The following CRACDL variants were observed in gnomAD, a reference collection of about 807,000 sequenced individuals.
The protein encoded by CRACDL is CRACD-like protein.
CRACDL carries 26 observed loss-of-function variants against 70.6 expected under a neutral mutation model. That is an observed-to-expected ratio of 0.37 (90% CI 0.27 to 0.51). CRACDL has a LOEUF of 0.51. Among genes scored for constraint, CRACDL ranks in the 20% least tolerant of loss-of-function variants. The pLI is 0.94. For missense variants in CRACDL, 1,283 were observed against 1,376.9 expected, an observed-to-expected ratio of 0.93 and a Z score of 1.08; for synonymous variants, 618 against 615.2, an observed-to-expected ratio of 1.00 and a Z score of -0.07.
At chr2:98,830,814 A>G (rs1025396660) in intron 5 of CRACDL, among the ~76,000 whole-genome samples, 35 of 152,150 alleles carry the variant, frequency 2.3e-4, no homozygotes, top group Non-Finnish European at 2.4e-4. Context: ...TTGCTCTTCA[A>G]TGGATGGGTT....
intron 1 of CRACDL, among the ~76,000 whole-genome samples, chr2:98,848,389 G>A (rs962940964): frequency 6.6e-6 from 1 of 152,110 alleles, no homozygotes; most frequent in Non-Finnish European, 1.5e-5. Context: ...CAATGGAAGA[G>A]GCAATGGAGA....
chr2:98,799,315 C>T (rs1349770263), intron 7 of CRACDL, among the ~76,000 whole-genome samples: 1 of 152,150 alleles, frequency 6.6e-6, no homozygotes, highest in Non-Finnish European at 1.5e-5. Flanking sequence ...ATTCTTTTCC[C>T]TTAGTGCCCT....
At chr2:98,926,848 C>T (rs943378055) in intron 1 of CRACDL, among the ~76,000 whole-genome samples, 2 of 152,240 alleles carry the variant, frequency 1.3e-5, no homozygotes, top group Admixed American at 6.5e-5. Flanking sequence ...GGTATTGACT[C>T]AACACGGCCA....
chr2:98,841,275 T>C (rs997579503), intron 2 of CRACDL, among the ~76,000 whole-genome samples: 2 of 152,170 alleles, frequency 1.3e-5, no homozygotes, highest in Non-Finnish European at 2.9e-5. Context: ...TTAATTTAAC[T>C]AGTCCACTCA....
chr2:98,913,277 G>A (rs1258739916), intron 1 of CRACDL, among the ~76,000 whole-genome samples: 1 of 152,186 alleles, frequency 6.6e-6, no homozygotes. Flanking sequence ...ACTTGTAAAG[G>A]AAGTGTGTGG....
At chr2:98,905,719 G>A (rs1043247771) in intron 1 of CRACDL, among the ~76,000 whole-genome samples, 7 of 151,260 alleles carry the variant, frequency 4.6e-5, no homozygotes, top group South Asian at 2.1e-4. Context: ...CTGGATTCAA[G>A]TGATCCTCCT....
chr2:98,891,075 A>C (rs1160752031), intron 1 of CRACDL, among the ~76,000 whole-genome samples: 1 of 150,638 alleles, frequency 6.6e-6, no homozygotes, highest in Non-Finnish European at 1.5e-5. Flanking sequence ...ATAAATAAAT[A>C]AATAAAAGAT....
At chr2:98,803,168 T>C (rs58560917) in intron 7 of CRACDL, among the ~76,000 whole-genome samples, 3,127 of 151,928 alleles carry the variant, frequency 0.021, 64 homozygotes, top group East Asian at 0.093. Flanking sequence ...CTCAGCTAAT[T>C]TTTTGTATTT....
intron 8 of CRACDL, 92 bp from the exon 9 acceptor site, chr2:98,796,356 C>T: frequency 7.5e-7 from 1 of 1,334,102 alleles, no homozygotes; most frequent in Non-Finnish European, 1.1e-6. Flanking sequence ...AGCTGCTCAT[C>T]CAAGATGCCT....
intron 1 of CRACDL, among the ~76,000 whole-genome samples, chr2:98,875,817 T>C (rs1446571842): frequency 2.0e-5 from 3 of 152,258 alleles, no homozygotes; most frequent in African/African-American, 7.2e-5. Flanking sequence ...GATAGGAACC[T>C]GTCAGCTAAT....
chr2:98,853,186 C>T (rs942800333), intron 1 of CRACDL, among the ~76,000 whole-genome samples: 1 of 152,154 alleles, frequency 6.6e-6, no homozygotes, highest in Non-Finnish European at 1.5e-5. Context: ...ATAGACCTCA[C>T]AGAAGTGTGG....
At chr2:98,850,012 C>T (rs1218475830) in intron 1 of CRACDL, among the ~76,000 whole-genome samples, 1 of 152,178 alleles carries the variant, frequency 6.6e-6, no homozygotes, top group Admixed American at 6.5e-5. Flanking sequence ...TTTCTGCAGC[C>T]CACTCCTCAC....
chr2:98,797,576 T>C, intron 7 of CRACDL, 39 bp from the exon 8 acceptor site: 1 of 1,593,954 alleles, frequency 6.3e-7, no homozygotes, highest in Non-Finnish European at 8.6e-7. Context: ...AACAGTCCTA[T>C]TCCCTCTTCG....
At chr2:98,805,412 T>G (rs1035497453) in intron 7 of CRACDL, among the ~76,000 whole-genome samples, 1 of 152,132 alleles carries the variant, frequency 6.6e-6, no homozygotes, top group African/African-American at 2.4e-5. Context: ...GTTTCCACAC[T>G]GCAATTAAGC....
At chr2:98,933,153 G>A (rs974703889) in intron 1 of CRACDL, among the ~76,000 whole-genome samples, 1 of 152,168 alleles carries the variant, frequency 6.6e-6, no homozygotes, top group African/African-American at 2.4e-5. Context: ...CCAGGTCCCC[G>A]CTGTGGCTCA....
At chr2:98,868,312 C>T (rs1217054401) in intron 1 of CRACDL, among the ~76,000 whole-genome samples, 1 of 152,230 alleles carries the variant, frequency 6.6e-6, no homozygotes, top group Non-Finnish European at 1.5e-5. Flanking sequence ...ACAACAATTT[C>T]CCAAGACCGT....
chr2:98,851,115 G>A (rs1207207573), intron 1 of CRACDL, among the ~76,000 whole-genome samples: 1 of 152,156 alleles, frequency 6.6e-6, no homozygotes, highest in African/African-American at 2.4e-5. Flanking sequence ...TTGGACCCCT[G>A]TGGATTCTTT....
chr2:98,857,086 A>G (rs1221887081), intron 1 of CRACDL, among the ~76,000 whole-genome samples: 3 of 152,174 alleles, frequency 2.0e-5, no homozygotes, highest in African/African-American at 7.2e-5. Flanking sequence ...TGCAAGTATA[A>G]TAAATCCTTT....
chr2:98,838,666 CA>C (rs376252010), intron 2 of CRACDL, among the ~76,000 whole-genome samples: 22 of 151,696 alleles, frequency 1.5e-4, no homozygotes, highest in African/African-American at 4.8e-4. Context: ...GACCCTCTCT[CA>C]AAAAAAATAA....
Sources: gnomAD v4.1 joint callset for allele counts (sites outside exome capture counted in the v4.1 genomes callset) on GRCh38, gnomAD v4.1.1 for gene constraint, MANE v1.5 for transcripts, NCBI Gene and HGNC (gene_info 2026-07-23, HGNC 2026-07-21) for gene names.